Variants in USP22 observed in about 807,000 individuals in gnomAD.
USP22 encodes the protein ubiquitin carboxyl-terminal hydrolase 22.
A neutral mutation model predicts 68.1 loss-of-function variants in USP22; 22 were observed. The observed-to-expected ratio is 0.32, with a 90% CI of 0.23 to 0.46. The LOEUF is 0.46. Among genes scored for constraint, USP22 ranks in the 20% least tolerant of loss-of-function variants. The pLI is 1.00. For missense variants in USP22, 433 were observed against 695.8 expected, an observed-to-expected ratio of 0.62 and a Z score of 4.25; for synonymous variants, 279 against 274.2, an observed-to-expected ratio of 1.02 and a Z score of -0.17.
chr17:21,003,900 CAAA>C (rs545524182), intron 12 of USP22, among the ~76,000 whole-genome samples: 10 of 113,886 alleles, frequency 8.8e-5, no homozygotes, highest in Admixed American at 1.7e-4. Context: ...AACTCCGTCT[CAAA>C]AAAAAAAAAA....
intron 1 of USP22, among the ~76,000 whole-genome samples, chr17:21,035,679 A>G (rs1415957726): frequency 6.6e-6 from 1 of 152,212 alleles, no homozygotes; most frequent in East Asian, 1.9e-4. Context: ...CCTACAGATT[A>G]AGAAACTTAA....
At chr17:21,006,392 A>AAC (rs72535855) in intron 10 of USP22, 113,335 of 151,880 alleles carry the variant, frequency 0.75, 42,732 homozygotes, top group South Asian at 0.82. Context: ...ATTGTTGAGA[A>AAC]ATTCAAAACA....
At chr17:21,042,429 G>C (rs982772716) in intron 1 of USP22, among the ~76,000 whole-genome samples, 18 of 147,686 alleles carry the variant, frequency 1.2e-4, no homozygotes, top group Non-Finnish European at 2.5e-4. Context: ...AATGGGGGAA[G>C]GGGGGAGAGG....
chr17:21,042,459 G>A (rs1431715766), intron 1 of USP22, among the ~76,000 whole-genome samples: 4 of 140,890 alleles, frequency 2.8e-5, no homozygotes, highest in Admixed American at 6.9e-5. Context: ...GGAAGATGAG[G>A]AGATAAGGGA....
intron 1 of USP22, among the ~76,000 whole-genome samples, chr17:21,032,424 G>C (rs897955298): frequency 1.3e-5 from 2 of 152,196 alleles, no homozygotes; most frequent in African/African-American, 4.8e-5. Context: ...GCAGACACAG[G>C]AGTAAGGTAG....
At chr17:21,043,123 ACCC>A (rs1334241677), upstream of USP22, 134 of 18,912 alleles carry the variant, frequency 7.1e-3, 7 homozygotes, top group Admixed American at 0.011. Context: ...AGATTACGTC[ACCC>A]CCCCCCCCCC....
At chr17:21,029,324 A>T (rs1379799331) in intron 1 of USP22, among the ~76,000 whole-genome samples, 1 of 152,246 alleles carries the variant, frequency 6.6e-6, no homozygotes, top group East Asian at 1.9e-4. Context: ...CAATTCGAGC[A>T]CAGAAATGAG....
intron 8 of USP22, 146 bp downstream of exon 8, chr17:21,011,005 C>T (rs1362949960): frequency 3.5e-6 from 4 of 1,150,494 alleles, no homozygotes; most frequent in Non-Finnish European, 4.7e-6. Flanking sequence ...CAAACTAGCA[C>T]AAGAGACTGC....
At chr17:21,009,539 C>CTTCCCA (rs1029559311) in intron 8 of USP22, among the ~76,000 whole-genome samples, 5 of 152,212 alleles carry the variant, frequency 3.3e-5, no homozygotes, top group African/African-American at 1.2e-4. Context: ...ACAACACAGG[C>CTTCCCA]TTCCCACACA....
At chr17:21,030,596 C>T (rs1972278003) in intron 1 of USP22, among the ~76,000 whole-genome samples, 1 of 152,220 alleles carries the variant, frequency 6.6e-6, no homozygotes, top group Non-Finnish European at 1.5e-5. Context: ...AACATGGCGG[C>T]GCCTGTGGCG....
rs370584990 is a variant in USP22 at position 21,010,376 on chromosome 17, A to C, written c.1103+775T>G. Among the ~76,000 whole-genome samples the C allele has an allele frequency of 5.9e-5, 9 of 152,294 alleles. No individual in the cohort carries two copies. The South Asian group carries it at 8.3e-4, about 14-fold the overall frequency. ...TACAATTGTATGCTACAGCTACTTA[A>C]ATACATTTTTTTTTAAAAATCACTC... On this transcript the variant is annotated intron_variant, in intron 8 of 12. Coordinates refer to ENST00000261497, the MANE Select transcript of USP22 (RefSeq NM_015276.2).
At chr17:21,010,010 G>A (rs146201445) in intron 8 of USP22, among the ~76,000 whole-genome samples, 2 of 151,396 alleles carry the variant, frequency 1.3e-5, no homozygotes, top group East Asian at 3.9e-4. Context: ...GGGCATGGTG[G>A]CACACACCTA....
intron 10 of USP22, chr17:21,005,300 A>G: frequency 2.7e-6 from 1 of 376,130 alleles, no homozygotes; most frequent in East Asian, 4.7e-5. Flanking sequence ...GTTTGTGACA[A>G]AGCAGATGGT....
At chr17:21,018,326 A>T in intron 4 of USP22, 1 of 468,666 alleles carries the variant, frequency 2.1e-6, no homozygotes, top group East Asian at 3.6e-5. Flanking sequence ...CTCCCACTTC[A>T]GCCATTGTAT....
chr17:21,004,633 T>C (rs1913718203), intron 11 of USP22, among the ~76,000 whole-genome samples: 1 of 152,180 alleles, frequency 6.6e-6, no homozygotes, highest in African/African-American at 2.4e-5. Context: ...CCTTTCATAC[T>C]TTCTACAACC....
Position 21,035,709 on chromosome 17 carries a change from A to G in USP22, c.171+6956T>C, listed in dbSNP as rs558896391. On this transcript the variant is annotated intron_variant, in intron 1 of 12. Coordinates refer to ENST00000261497, the MANE Select transcript of USP22 (RefSeq NM_015276.2). ...ACTTAAACGACTTACCAGTATAGCC[A>G]CATGATAAATACCATTAAAAGAAAA... Among the ~76,000 whole-genome samples the G allele has an allele frequency of 7.2e-5, 11 of 152,324 alleles. No individual in the cohort carries two copies. In the East Asian group the frequency reaches 2.1e-3, roughly 29 times the overall value.
At chr17:21,026,086 C>T (rs2143604743) in intron 2 of USP22, among the ~76,000 whole-genome samples, 1 of 152,262 alleles carries the variant, frequency 6.6e-6, no homozygotes, top group Admixed American at 6.5e-5. Context: ...TGGTGAAACC[C>T]CATCTCTACA....
rs1913631282 is a variant in USP22, at chr17:21,002,757, G to C, written c.*274C>G. 2 of 419,462 alleles carry C rather than the reference G, an allele frequency of 4.8e-6. No individual in the cohort carries two copies. Among genetic ancestry groups the C allele is most frequent in the Non-Finnish European group, 9.0e-6 (2 of 222,032 alleles). The allele number at this position is 419,462 out of a possible 1,614,324, so 26.0% of individuals were successfully genotyped here. A position where few individuals can be genotyped will look rare whatever the true frequency, so the allele number is the denominator to read the frequency against. On this transcript the variant is annotated 3_prime_UTR_variant, in exon 13 of 13. Transcript: ENST00000261497. Reference sequence around the variant, plus strand: ...GTTGCACCCCCATGTCATGACACAAGAGATGTTCTGGTGACGGGTGTACGC... The same window carrying C: ...GTTGCACCCCCATGTCATGACACAACAGATGTTCTGGTGACGGGTGTACGC...
At chr17:21,040,839 G>A (rs926861653) in intron 1 of USP22, among the ~76,000 whole-genome samples, 1 of 151,718 alleles carries the variant, frequency 6.6e-6, no homozygotes, top group Non-Finnish European at 1.5e-5. Flanking sequence ...CTGACCCAGA[G>A]TAGCAACAGC....
Sources: gnomAD v4.1 joint callset for allele counts (sites outside exome capture counted in the v4.1 genomes callset) on GRCh38, gnomAD v4.1.1 for gene constraint, MANE v1.5 for transcripts, NCBI Gene and HGNC (gene_info 2026-07-23, HGNC 2026-07-21) for gene names.